The following HSP90AA1 variants were observed in gnomAD, a reference collection of about 807,000 sequenced individuals.
HSP90AA1 encodes heat shock protein 90 alpha family class A member 1.
Under a neutral mutation model 73.3 loss-of-function variants are expected in HSP90AA1, and 18 were observed. The ratio of observed to expected loss-of-function variants is 0.25; its 90% confidence interval spans 0.17 to 0.36. The LOEUF is 0.36. Among genes scored for constraint, HSP90AA1 ranks in the 10% least tolerant of loss-of-function variants. The pLI is 1.00. For synonymous variants in HSP90AA1, 477 were observed against 296.9 expected, an observed-to-expected ratio of 1.61 and a Z score of -6.24; for missense variants, 704 against 874.2, an observed-to-expected ratio of 0.81 and a Z score of 2.45.
rs1454013386 is a variant in HSP90AA1, at chr14:102,121,840, TTTTC to T, written c.155+17406_155+17409del. On this transcript the variant is annotated intron_variant, in intron 1 of 11. Transcript: ENST00000334701. ...CCTTTGCCTATTTTTTTCTACTGGGTTTTCTTTCTAATTGCTCGAAATAAGTTTT... is the reference window on the plus strand; with the variant it reads ...CCTTTGCCTATTTTTTTCTACTGGGTTTTCTAATTGCTCGAAATAAGTTTT... Among the ~76,000 whole-genome samples the T allele has an allele frequency of 4.6e-5, 7 of 152,172 alleles. 1 individual carries two copies. The highest frequency in any genetic ancestry group is 4.1e-4 in the South Asian group (2 of 4,828).
At chr14:102,114,128 T>C (rs2049678264) in intron 1 of HSP90AA1, among the ~76,000 whole-genome samples, 1 of 152,162 alleles carries the variant, frequency 6.6e-6, no homozygotes, top group South Asian at 2.1e-4. Flanking sequence ...TAGCTGGGAC[T>C]ACAGGCGTGC....
intron 1 of HSP90AA1, among the ~76,000 whole-genome samples, chr14:102,102,253 A>G (rs1035444401): frequency 2.0e-5 from 3 of 152,176 alleles, no homozygotes; most frequent in Non-Finnish European, 4.4e-5. Flanking sequence ...TCCTGCAGGA[A>G]GTTCAACTTG....
intron 1 of HSP90AA1, among the ~76,000 whole-genome samples, chr14:102,137,881 G>A (rs1462060097): frequency 1.3e-5 from 2 of 151,788 alleles, no homozygotes; most frequent in Admixed American, 1.3e-4. Flanking sequence ...TGGGCGTGGT[G>A]GTGCACATCT....
At chr14:102,093,294 A>G (rs1331567771) in intron 2 of HSP90AA1, among the ~76,000 whole-genome samples, 1 of 151,140 alleles carries the variant, frequency 6.6e-6, no homozygotes, top group African/African-American at 2.4e-5. Flanking sequence ...GCGGATCACA[A>G]GGTCAAGAGA....
At chr14:102,101,455 C>G (rs1202435485) in intron 2 of HSP90AA1, among the ~76,000 whole-genome samples, 2 of 152,216 alleles carry the variant, frequency 1.3e-5, no homozygotes, top group African/African-American at 2.4e-5. Context: ...CACTCCAAAC[C>G]CCACTGCCCG....
intron 3 of HSP90AA1, 137 bp downstream of exon 3, chr14:102,085,621 A>C: frequency 7.3e-7 from 1 of 1,361,276 alleles, no homozygotes; most frequent in Non-Finnish European, 1.0e-6. Context: ...CCATTACACT[A>C]ATTAAGTGCT....
chr14:102,089,375 A>G (rs537280635), upstream of HSP90AA1, among the ~76,000 whole-genome samples: 1 of 151,642 alleles, frequency 6.6e-6, no homozygotes, highest in African/African-American at 2.4e-5. Context: ...TCCTTCCACA[A>G]CTTCTTGTCT....
chr14:102,084,929 T>G lies in HSP90AA1; in HGVS notation c.733A>C (p.Lys245Gln). 1.9e-6 allele frequency: 3 copies of G among 1,593,782 alleles called. No homozygotes were observed. Among genetic ancestry groups the G allele is most frequent in the Non-Finnish European group, 2.6e-6 (3 of 1,162,312 alleles). ...TCCGACTCTTTCTCTTCTTTTTCTT[T>G]TTCTTCTTCTTTGTCTTCCTTTTCT... The part of the protein sequence containing the change: ...AEEKEDKEEE[K>Q]EKEEKESEDK... Residue 245 changes from lysine to glutamine, a missense_variant, in exon 5 of 11, where the codon AAA becomes CAA. Coordinates refer to ENST00000216281, the MANE Select transcript of HSP90AA1 (RefSeq NM_005348.4).
intron 1 of HSP90AA1, among the ~76,000 whole-genome samples, chr14:102,135,541 A>T (rs959403567): frequency 6.6e-6 from 1 of 152,242 alleles, no homozygotes; most frequent in Admixed American, 6.5e-5. Context: ...GGTCGATGGG[A>T]CTGGGCGCCG....
intron 9 of HSP90AA1, 95 bp downstream of exon 9, chr14:102,082,939 T>C: frequency 7.6e-7 from 1 of 1,322,178 alleles, no homozygotes; most frequent in Middle Eastern, 1.8e-4. Context: ...TAGTTTTCTG[T>C]TTTAAGTTGA....
chr14:102,114,758 G>A (rs1455609260), intron 1 of HSP90AA1, among the ~76,000 whole-genome samples: 1 of 152,144 alleles, frequency 6.6e-6, no homozygotes, highest in African/African-American at 2.4e-5. Flanking sequence ...CCGGCACTTT[G>A]GGAGGCTGAG....
At chr14:102,086,639 C>T (rs2049245805) in intron 1 of HSP90AA1, among the ~76,000 whole-genome samples, 1 of 151,270 alleles carries the variant, frequency 6.6e-6, no homozygotes, top group Non-Finnish European at 1.5e-5. Flanking sequence ...ACCCCGGGTG[C>T]CCTCCCGCGC....
chr14:102,102,819 T>G (rs1595669219), intron 1 of HSP90AA1, among the ~76,000 whole-genome samples: 1 of 152,150 alleles, frequency 6.6e-6, no homozygotes, highest in East Asian at 1.9e-4. Flanking sequence ...GTGCATTGCT[T>G]AAGCCTAGGA....
intron 1 of HSP90AA1, among the ~76,000 whole-genome samples, chr14:102,132,826 G>T (rs778936345): frequency 2.6e-5 from 4 of 152,104 alleles, no homozygotes; most frequent in Admixed American, 6.5e-5. Context: ...CTGGCGTGGT[G>T]GTGCGCACCT....
chr14:102,136,178 G>C lies in HSP90AA1; in HGVS notation c.155+3072C>G, dbSNP rs77352203. ...TTTTTAGAAAATTATTTTGGTAGTTGTTTAGAAGGAATTAATGCACAAAAC... is the reference window on the plus strand; with the variant it reads ...TTTTTAGAAAATTATTTTGGTAGTTCTTTAGAAGGAATTAATGCACAAAAC... On this transcript the variant is annotated intron_variant, in intron 1 of 11. Transcript: ENST00000334701. Among the ~76,000 whole-genome samples the C allele has an allele frequency of 6.5e-3, 991 of 152,328 alleles. 10 individuals are homozygous for C. The highest frequency in any genetic ancestry group is 0.023 in the African/African-American group (946 of 41,566).
rs749417326 is a variant in HSP90AA1 at position 102,086,020 on chromosome 14, G to C, written c.267C>G (p.Leu89=). 7 of 1,613,936 alleles carry C rather than the reference G, an allele frequency of 4.3e-6. No individual in the cohort carries two copies. The highest frequency in any genetic ancestry group is 2.2e-5 in the South Asian group (2 of 91,070). The change falls in exon 3 of 11, where the codon CTC becomes CTG. Residue 89 remains leucine (L), a synonymous_variant. Coordinates refer to ENST00000216281, the MANE Select transcript of HSP90AA1 (RefSeq NM_005348.4). ...TTCCAATTCCAGTATCCACAATAGT[G>C]AGAGTTCGATCTTGTTTGTTCGGTA... The part of the protein sequence containing the change: ...NLIPNKQDRT[L]TIVDTGIGMT...
chr14:102,086,358 G>C lies in HSP90AA1; in HGVS notation c.21C>G (p.Thr7=), dbSNP rs745644698. The C allele has an allele frequency of 6.2e-7, 1 of 1,614,142 alleles. No homozygotes were observed. Among genetic ancestry groups the C allele is most frequent in the Non-Finnish European group, 8.5e-7 (1 of 1,180,032 alleles). The change falls in exon 2 of 11, where the codon ACC becomes ACG. Residue 7 remains threonine (T), a synonymous_variant. Coordinates refer to ENST00000216281, the MANE Select transcript of HSP90AA1 (RefSeq NM_005348.4). Reference sequence around the variant, plus strand: ...CCTCCTCCTCCATCGGTTGGTCTTGGGTCTGGGTTTCCTCAGGCATCTGGA... The same window carrying C: ...CCTCCTCCTCCATCGGTTGGTCTTGCGTCTGGGTTTCCTCAGGCATCTGGA... MPEETQ[T]QDQPMEEEEV...
In HSP90AA1 at chr14:102,085,290, A is replaced by C. The variant is rs912903261; in HGVS notation, c.663+8T>G. The C allele has an allele frequency of 5.0e-6, 8 of 1,610,568 alleles. No individual in the cohort carries two copies. Among genetic ancestry groups the C allele is most frequent in the Admixed American group, 3.3e-5 (2 of 60,008 alleles). On this transcript the variant is annotated splice_region_variant and intron_variant, in intron 4 of 10. Coordinates refer to ENST00000216281, the MANE Select transcript of HSP90AA1 (RefSeq NM_005348.4). ...AGAAATTCACTCTGCAATTACATAA[A>C]AACTTACAAAAAGAGTAATGGGATA... is the stretch of plus-strand genomic sequence containing the variant.
At chr14:102,124,031 C>T (rs1159595561) in intron 1 of HSP90AA1, among the ~76,000 whole-genome samples, 1 of 152,078 alleles carries the variant, frequency 6.6e-6, no homozygotes, top group Admixed American at 6.6e-5. Context: ...GAACTCCTGG[C>T]CTCTGCCTCC....
Sources: allele counts gnomAD v4.1 joint callset (sites outside exome capture counted in the v4.1 genomes callset), GRCh38; gene constraint gnomAD v4.1.1; transcripts MANE v1.5; gene names NCBI Gene and HGNC (gene_info 2026-07-23, HGNC 2026-07-21).